Variants in NLGN1 observed in about 807,000 individuals in gnomAD.
The protein encoded by NLGN1 is neuroligin-1.
In NLGN1, 12 loss-of-function variants were observed where a neutral mutation model predicts 65.5. The observed-to-expected ratio is 0.18, with a 90% CI of 0.12 to 0.30. The LOEUF is 0.30. Among genes scored for constraint, NLGN1 ranks in the 10% least tolerant of loss-of-function variants. The pLI, the probability that NLGN1 is intolerant of heterozygous loss-of-function variation, is 1.00. For synonymous variants in NLGN1, 350 were observed against 359.5 expected, an observed-to-expected ratio of 0.97 and a Z score of 0.30; for missense variants, 750 against 1,007.1, an observed-to-expected ratio of 0.74 and a Z score of 3.46.
intron 4 of NLGN1, among the ~76,000 whole-genome samples, chr3:173,880,340 T>C (rs1038001783): frequency 6.6e-6 from 1 of 151,964 alleles, no homozygotes; most frequent in African/African-American, 2.4e-5. Context: ...TTTCTAACAA[T>C]TTTCTTAGCT....
At chr3:173,526,408 A>T (rs1447397110) in intron 2 of NLGN1, among the ~76,000 whole-genome samples, 1 of 151,552 alleles carries the variant, frequency 6.6e-6, no homozygotes, top group African/African-American at 2.4e-5. Context: ...TTAATTTTTA[A>T]ATTTCCATTT....
intron 4 of NLGN1, among the ~76,000 whole-genome samples, chr3:174,225,894 G>T (rs1016774831): frequency 7.2e-5 from 11 of 151,976 alleles, no homozygotes; most frequent in African/African-American, 2.7e-4. Flanking sequence ...GAGTAGCAAG[G>T]TTTATTAAAC....
At chr3:174,058,797 GA>G (rs1384093357) in intron 4 of NLGN1, among the ~76,000 whole-genome samples, 1 of 151,940 alleles carries the variant, frequency 6.6e-6, no homozygotes, top group Non-Finnish European at 1.5e-5. Flanking sequence ...ATTTATCTGA[GA>G]TTTTTTTAAG....
At chr3:174,003,382 T>A (rs1005399347) in intron 4 of NLGN1, among the ~76,000 whole-genome samples, 2 of 152,158 alleles carry the variant, frequency 1.3e-5, no homozygotes, top group African/African-American at 4.8e-5. Context: ...ACCAGTAGCA[T>A]TAGTATCACC....
chr3:174,115,948 T>C (rs1716314749), intron 4 of NLGN1, among the ~76,000 whole-genome samples: 1 of 152,190 alleles, frequency 6.6e-6, no homozygotes, highest in South Asian at 2.1e-4. Context: ...ATATATTCCA[T>C]TTAACAGTTA....
At chr3:173,659,757 G>A (rs766498975) in intron 3 of NLGN1, among the ~76,000 whole-genome samples, 9 of 151,336 alleles carry the variant, frequency 5.9e-5, no homozygotes, top group Non-Finnish European at 1.0e-4. Flanking sequence ...TTCTGTGTGC[G>A]TGTGTATGTG....
intron 3 of NLGN1, among the ~76,000 whole-genome samples, chr3:173,707,618 C>T (rs1268788887): frequency 6.6e-6 from 1 of 152,060 alleles, no homozygotes; most frequent in African/African-American, 2.4e-5. Context: ...CTTAAGTAAT[C>T]GGATGGATGA....
At chr3:173,883,164 T>A (rs577275844) in intron 4 of NLGN1, among the ~76,000 whole-genome samples, 1 of 151,682 alleles carries the variant, frequency 6.6e-6, no homozygotes, top group African/African-American at 2.4e-5. Flanking sequence ...TTCTAGGTTT[T>A]GATTAAAGTG....
At chr3:173,503,082 T>TTGTG (rs144519410) in intron 2 of NLGN1, among the ~76,000 whole-genome samples, 270 of 149,906 alleles carry the variant, frequency 1.8e-3, no homozygotes, top group African/African-American at 6.4e-3. Context: ...ATATGGCATG[T>TTGTG]TGTGTGTGTG....
chr3:174,153,596 A>T (rs1335234937), intron 4 of NLGN1, among the ~76,000 whole-genome samples: 1 of 152,166 alleles, frequency 6.6e-6, no homozygotes, highest in Non-Finnish European at 1.5e-5. Flanking sequence ...AATGTTTATG[A>T]TTCTATTGAA....
intron 1 of NLGN1, among the ~76,000 whole-genome samples, chr3:173,426,786 G>A (rs1331812544): frequency 6.6e-6 from 1 of 151,866 alleles, no homozygotes; most frequent in East Asian, 1.9e-4. Context: ...CTTCCAATTT[G>A]CCTTTTTGTT....
chr3:174,138,822 A>C (rs2152685411), intron 4 of NLGN1, among the ~76,000 whole-genome samples: 1 of 152,250 alleles, frequency 6.6e-6, no homozygotes, highest in Non-Finnish European at 1.5e-5. Flanking sequence ...TTTACTTATC[A>C]ATCTTTATTT....
At chr3:173,595,853 G>A (rs1749389041) in intron 2 of NLGN1, among the ~76,000 whole-genome samples, 1 of 152,184 alleles carries the variant, frequency 6.6e-6, no homozygotes, top group Non-Finnish European at 1.5e-5. Flanking sequence ...GATCTCATAA[G>A]ACTTATTCAC....
chr3:173,972,141 C>A (rs1218702227), intron 4 of NLGN1, among the ~76,000 whole-genome samples: 1 of 152,070 alleles, frequency 6.6e-6, no homozygotes, highest in African/African-American at 2.4e-5. Context: ...GTAAGAATAT[C>A]CCACATTTCT....
chr3:174,032,301 G>A (rs972396148), intron 4 of NLGN1, among the ~76,000 whole-genome samples: 6 of 152,098 alleles, frequency 3.9e-5, no homozygotes, highest in African/African-American at 1.4e-4. Flanking sequence ...TCTTTTAAAA[G>A]GATCTTAAAG....
At chr3:174,257,344 G>A (rs1745984287) in intron 4 of NLGN1, among the ~76,000 whole-genome samples, 1 of 152,146 alleles carries the variant, frequency 6.6e-6, no homozygotes, top group Admixed American at 6.5e-5. Context: ...GAAAGAGAAT[G>A]TGGCAATTCC....
intron 3 of NLGN1, among the ~76,000 whole-genome samples, chr3:173,776,807 C>A (rs1402173345): frequency 6.6e-6 from 1 of 151,878 alleles, no homozygotes; most frequent in African/African-American, 2.4e-5. Flanking sequence ...TTATGACTGA[C>A]TAAAAAATAA....
chr3:173,956,652 G>T (rs969599202), intron 4 of NLGN1, among the ~76,000 whole-genome samples: 4 of 152,090 alleles, frequency 2.6e-5, no homozygotes, highest in Non-Finnish European at 5.9e-5. Flanking sequence ...TATTTCTGAA[G>T]TCCTAAATAC....
intron 4 of NLGN1, among the ~76,000 whole-genome samples, chr3:174,174,582 T>C (rs942837080): frequency 6.6e-6 from 1 of 152,008 alleles, no homozygotes; most frequent in Non-Finnish European, 1.5e-5. Flanking sequence ...ATTAGTGATG[T>C]TGAGCATTTT....
Sources: allele counts gnomAD v4.1 joint callset (sites outside exome capture counted in the v4.1 genomes callset), GRCh38; gene constraint gnomAD v4.1.1; transcripts MANE v1.5; gene names NCBI Gene and HGNC (gene_info 2026-07-23, HGNC 2026-07-21).